TAB2: variants seen among roughly 807,000 people sequenced by gnomAD.
TAB2 encodes TGF-beta activated kinase 1 (MAP3K7) binding protein 2.
A neutral mutation model predicts 65.0 loss-of-function variants in TAB2; 3 were observed. That is an observed-to-expected ratio of 0.05 (90% CI 0.02 to 0.12). TAB2 has a LOEUF of 0.12. TAB2 is among the 10% of genes least tolerant of loss of function. The pLI is 1.00. For synonymous variants in TAB2, 298 were observed against 285.1 expected (o/e 1.05, Z -0.46); for missense variants, 623 against 840.3 (o/e 0.74, Z 3.20).
chr6:149,253,942 GAGAAAGAAAGAAAGAAAAAGAA>G (rs1777917901), intron 1 of TAB2, among the ~76,000 whole-genome samples: 4 of 59,182 alleles, frequency 6.8e-5, no homozygotes, highest in Admixed American at 2.2e-4. Context: ...AAGAAAGAAA[GAGAAAGAAAGAAAGAAAAAGAA>G]AGAAAGAAAG....
rs780987889 is a variant in TAB2 at position 149,379,393 on chromosome 6, A to G, written c.1478A>G (p.His493Arg). The G allele has an allele frequency of 6.2e-7, 1 of 1,614,134 alleles. No homozygotes were observed. The highest frequency in any genetic ancestry group is 2.2e-5 in the East Asian group (1 of 44,886). The change falls in exon 3 of 7, where the codon CAT (histidine) becomes CGT (arginine). Residue 493 changes from histidine (H) to arginine (R), a missense_variant. His to Arg is a conservative substitution (Grantham distance 29). Transcript: ENST00000637181. ...PTFELTNLLN[H>R]PDHYVETENI... ...TTTGAACTTACAAATCTTCTTAATC[A>G]TCCTGATCATTATGTAGAAACCGAG...
intron 1 of TAB2, among the ~76,000 whole-genome samples, chr6:149,302,630 G>A (rs1778989934): frequency 6.6e-6 from 1 of 152,290 alleles, no homozygotes; most frequent in South Asian, 2.1e-4. Flanking sequence ...ACGTCTCCCA[G>A]CTCTTCTACT....
At chr6:149,381,900 T>C (rs1781623066) in intron 3 of TAB2, among the ~76,000 whole-genome samples, 1 of 152,124 alleles carries the variant, frequency 6.6e-6, no homozygotes, top group Admixed American at 6.5e-5. Context: ...CCATCATCAC[T>C]ACTGTGGTCT....
intron 1 of TAB2, among the ~76,000 whole-genome samples, chr6:149,226,279 G>T (rs564409152): frequency 6.6e-6 from 1 of 152,312 alleles, no homozygotes; most frequent in African/African-American, 2.4e-5. Context: ...TGTAGGCTGA[G>T]AGTGAATCAA....
Position 149,411,095 on chromosome 6 carries a change from T to TA in TAB2, c.*1377dup, listed in dbSNP as rs1241071031. 6.6e-6 allele frequency: 1 copy of TA among 152,516 alleles called. No homozygotes were observed. Among genetic ancestry groups the TA allele is most frequent in the Non-Finnish European group, 1.5e-5 (1 of 68,028 alleles). 9.4% of individuals were successfully genotyped at this position (152,516 alleles called of 1,614,324 possible). ...TGATGATATATTTTTGTAAGGAAAA[T>TA]ATTCAGATGATCAGGAATGTATATA... On this transcript the variant is annotated 3_prime_UTR_variant, in exon 7 of 7. Transcript: ENST00000637181.
intron 6 of TAB2, among the ~76,000 whole-genome samples, chr6:149,403,877 TCC>T (rs1012015354): frequency 1.3e-5 from 2 of 151,902 alleles, no homozygotes; most frequent in African/African-American, 2.4e-5. Flanking sequence ...GAAGGATCCA[TCC>T]CCAGGACCCA....
chr6:149,321,180 A>G (rs920925240), intron 1 of TAB2: 1 of 152,212 alleles, frequency 6.6e-6, no homozygotes, highest in African/African-American at 2.4e-5. Context: ...GACACTCTAT[A>G]TATGTCATCT....
In TAB2 at chr6:149,399,141, T is replaced by C. The variant is rs774284727; in HGVS notation, c.1896T>C (p.Tyr632=). 5 of 1,613,566 alleles carry C rather than the reference T, an allele frequency of 3.1e-6. No individual in the cohort carries two copies. In the African/African-American group the frequency reaches 4.0e-5, roughly 13 times the overall value. ...ACCCCAGCGCTATTCATAACTTTTA[T>C]GACAATATTGGATTTGTAGGTCCTG... ...HFNPSAIHNF[Y]DNIGFVGPVP... The change falls in exon 6 of 7, where the codon TAT becomes TAC. Residue 632 remains tyrosine (Y), a synonymous_variant. Transcript: ENST00000637181.
At chr6:149,222,297 A>C (rs1429091382) in intron 1 of TAB2, among the ~76,000 whole-genome samples, 1 of 152,116 alleles carries the variant, frequency 6.6e-6, no homozygotes, top group African/African-American at 2.4e-5. Context: ...TTCAGCCTCC[A>C]TAATCACACG....
At chr6:149,249,602 GTC>G (rs946808657) in intron 1 of TAB2, among the ~76,000 whole-genome samples, 1 of 150,866 alleles carries the variant, frequency 6.6e-6, no homozygotes, top group African/African-American at 2.4e-5. Flanking sequence ...CTCTCTTTCT[GTC>G]TCTCTGTATG....
At chr6:149,314,861 A>G (rs760797848), upstream of TAB2, among the ~76,000 whole-genome samples, 4 of 141,716 alleles carry the variant, frequency 2.8e-5, no homozygotes, top group Non-Finnish European at 4.7e-5. Flanking sequence ...TCCAGGAACT[A>G]TATCTTTTTT....
chr6:149,380,562 C>A (rs1781573857), intron 3 of TAB2, among the ~76,000 whole-genome samples: 1 of 152,228 alleles, frequency 6.6e-6, no homozygotes, highest in Admixed American at 6.5e-5. Flanking sequence ...TCTTAAGTTA[C>A]ATAATTTTCA....
At chr6:149,393,186 T>C (rs60153446) in intron 3 of TAB2, among the ~76,000 whole-genome samples, 35,895 of 152,110 alleles carry the variant, frequency 0.24, 4,430 homozygotes, top group Non-Finnish European at 0.26. Context: ...ATAACAGCCA[T>C]ACCTAGACAA....
At chr6:149,379,652 A>G (rs1332939456) in intron 3 of TAB2, 134 bp downstream of exon 3, 4 of 781,278 alleles carry the variant, frequency 5.1e-6, no homozygotes, top group African/African-American at 3.5e-5. Context: ...TTATTGTAAC[A>G]TTTGAGAGTA....
chr6:149,222,812 T>G (rs1366457920), intron 1 of TAB2, among the ~76,000 whole-genome samples: 1 of 152,002 alleles, frequency 6.6e-6, no homozygotes, highest in Non-Finnish European at 1.5e-5. Context: ...AGACTGTGTC[T>G]CTCTCTCAAT....
intron 1 of TAB2, among the ~76,000 whole-genome samples, chr6:149,248,455 A>AGGAAGGAAGGAAGGAAG (rs1777782503): frequency 5.3e-5 from 3 of 56,606 alleles, no homozygotes; most frequent in African/African-American, 1.9e-4. Flanking sequence ...AAGGAAGAAA[A>AGGAAGGAAGGAAGGAAG]GAAGGAAGGA....
intron 1 of TAB2, among the ~76,000 whole-genome samples, chr6:149,341,584 G>A (rs1164995455): frequency 1.3e-5 from 2 of 152,182 alleles, no homozygotes; most frequent in Admixed American, 1.3e-4. Flanking sequence ...GATTTCTGCA[G>A]TTTAATTTCA....
chr6:149,320,357 T>C (rs766321354), intron 1 of TAB2, among the ~76,000 whole-genome samples: 104 of 152,206 alleles, frequency 6.8e-4, no homozygotes, highest in Admixed American at 9.8e-4. Context: ...TGAAATGAGG[T>C]TTTTAAACTC....
chr6:149,323,119 C>T (rs944904637), intron 1 of TAB2, among the ~76,000 whole-genome samples: 2 of 152,056 alleles, frequency 1.3e-5, no homozygotes, highest in Admixed American at 6.5e-5. Flanking sequence ...CTGTAAATTA[C>T]AGCTCTTTTT....
Sources: gnomAD v4.1 joint callset for allele counts (sites outside exome capture counted in the v4.1 genomes callset) on GRCh38, gnomAD v4.1.1 for gene constraint, MANE v1.5 for transcripts, NCBI Gene and HGNC (gene_info 2026-07-23, HGNC 2026-07-21) for gene names.